The following MOB3B variants were observed in gnomAD, a reference collection of about 807,000 sequenced individuals.
MOB3B encodes MOB kinase activator-like 2B.
MOB3B carries 7 observed loss-of-function variants against 18.7 expected under a neutral mutation model. That is an observed-to-expected ratio of 0.37 (90% CI 0.21 to 0.70). The LOEUF (loss-of-function observed/expected upper bound fraction) is 0.70. MOB3B is among the 30% of genes least tolerant of loss of function. The probability of loss-of-function intolerance (pLI) is 0.52; values close to 1 mark genes in which losing one functional copy is unlikely to be tolerated. For synonymous variants in MOB3B, 111 were observed against 99.9 expected (o/e 1.11, Z -0.66); for missense variants, 253 against 281.3 (o/e 0.90, Z 0.72).
chr9:27,475,345 C>A (rs1445889134), intron 1 of MOB3B, among the ~76,000 whole-genome samples: 1 of 152,238 alleles, frequency 6.6e-6, no homozygotes, highest in Non-Finnish European at 1.5e-5. Flanking sequence ...CTGTACTCTG[C>A]CTGCTGACCC....
intron 2 of MOB3B, among the ~76,000 whole-genome samples, chr9:27,418,354 A>G (rs577846978): frequency 6.6e-6 from 1 of 152,156 alleles, no homozygotes; most frequent in South Asian, 2.1e-4. Context: ...CATCACCCTA[A>G]TACCAAAACC....
At chr9:27,452,996 G>C (rs1285518664) in intron 2 of MOB3B, among the ~76,000 whole-genome samples, 1 of 152,170 alleles carries the variant, frequency 6.6e-6, no homozygotes, top group Non-Finnish European at 1.5e-5. Flanking sequence ...AAAAGTGCAG[G>C]CTTTTAGGTC....
chr9:27,436,939 C>A (rs1434141417), intron 2 of MOB3B, among the ~76,000 whole-genome samples: 3 of 137,408 alleles, frequency 2.2e-5, no homozygotes. Flanking sequence ...TTTCCAGACA[C>A]AAGGAACAGA....
chr9:27,469,352 A>C (rs1026628766), intron 1 of MOB3B, among the ~76,000 whole-genome samples: 1 of 152,138 alleles, frequency 6.6e-6, no homozygotes, highest in African/African-American at 2.4e-5. Flanking sequence ...TTTGGTGTCC[A>C]TGCCCAAGCT....
At chr9:27,463,972 G>T (rs140876188) in intron 1 of MOB3B, among the ~76,000 whole-genome samples, 22 of 151,976 alleles carry the variant, frequency 1.4e-4, no homozygotes, top group Admixed American at 7.2e-4. Flanking sequence ...AAAGAAAAAA[G>T]AAAAAAATAA....
intron 2 of MOB3B, among the ~76,000 whole-genome samples, chr9:27,420,448 T>C (rs970929217): frequency 5.3e-4 from 79 of 149,698 alleles, no homozygotes; most frequent in African/African-American, 1.8e-3. Context: ...ACTATGATTA[T>C]ATATATATAT....
At chr9:27,490,899 GA>G (rs916261349) in intron 1 of MOB3B, among the ~76,000 whole-genome samples, 6 of 152,096 alleles carry the variant, frequency 3.9e-5, no homozygotes, top group Admixed American at 3.9e-4. Flanking sequence ...AAGCAAATTC[GA>G]AGGAGAAATG....
chr9:27,476,946 C>T (rs1169169346), intron 1 of MOB3B, among the ~76,000 whole-genome samples: 2 of 152,124 alleles, frequency 1.3e-5, no homozygotes, highest in Non-Finnish European at 2.9e-5. Context: ...GATCCAGGCT[C>T]TCTTGAAACA....
chr9:27,524,761 T>C (rs762130696), intron 1 of MOB3B: 3 of 1,613,384 alleles, frequency 1.9e-6, no homozygotes, highest in Non-Finnish European at 2.5e-6. Flanking sequence ...ATGAAAGAAA[T>C]GAAAGAGAAT....
intron 1 of MOB3B, among the ~76,000 whole-genome samples, chr9:27,459,133 T>C (rs763342993): frequency 6.6e-6 from 1 of 152,126 alleles, no homozygotes; most frequent in African/African-American, 2.4e-5. Flanking sequence ...AGATGCCATA[T>C]TGGCGCAGGT....
At chr9:27,366,177 G>A (rs1314088275) in intron 2 of MOB3B, among the ~76,000 whole-genome samples, 2 of 152,128 alleles carry the variant, frequency 1.3e-5, no homozygotes, top group African/African-American at 2.4e-5. Context: ...TCAGGAACCC[G>A]CATCTGACAG....
At chr9:27,464,719 C>T (rs1301522982) in intron 1 of MOB3B, among the ~76,000 whole-genome samples, 1 of 152,106 alleles carries the variant, frequency 6.6e-6, no homozygotes, top group East Asian at 1.9e-4. Flanking sequence ...CTTACAGTTC[C>T]ACATGGCTGG....
intron 3 of MOB3B, among the ~76,000 whole-genome samples, chr9:27,337,815 G>A (rs753989424): frequency 7.9e-5 from 12 of 152,224 alleles, no homozygotes; most frequent in African/African-American, 2.7e-4. Context: ...AAGGGCAGGT[G>A]TGCTTTCAGG....
intron 2 of MOB3B, among the ~76,000 whole-genome samples, chr9:27,417,989 G>A (rs1203200069): frequency 6.6e-6 from 1 of 150,520 alleles, no homozygotes; most frequent in Non-Finnish European, 1.5e-5. Flanking sequence ...CTACTTGGGA[G>A]GCTGAGGCAG....
At chr9:27,377,833 A>C (rs1368188318) in intron 2 of MOB3B, among the ~76,000 whole-genome samples, 1 of 152,232 alleles carries the variant, frequency 6.6e-6, no homozygotes, top group Non-Finnish European at 1.5e-5. Flanking sequence ...CCAGAGTAAC[A>C]CTGGCCAACT....
At position 27,455,593 on chromosome 9, in the gene MOB3B, G is replaced by C. The variant is rs774597896; in HGVS notation, c.-43C>G. On this transcript the variant is annotated 5_prime_UTR_variant, in exon 2 of 4. Coordinates refer to ENST00000262244, the MANE Select transcript of MOB3B (RefSeq NM_024761.5). Reference sequence around the variant, plus strand: ...CCTTTCTTTTGCAGGAAGCGAAAAGGCACCTGGAACTTTTCAGGGAGAGAT... The same window carrying C: ...CCTTTCTTTTGCAGGAAGCGAAAAGCCACCTGGAACTTTTCAGGGAGAGAT... 9.3e-6 allele frequency: 15 copies of C among 1,611,704 alleles called. No homozygotes were observed. Among genetic ancestry groups the C allele is most frequent in the Non-Finnish European group, 1.3e-5 (15 of 1,179,598 alleles).
chr9:27,497,389 T>C (rs1819918879), intron 1 of MOB3B, among the ~76,000 whole-genome samples: 2 of 152,246 alleles, frequency 1.3e-5, no homozygotes, highest in African/African-American at 2.4e-5. Context: ...GAATTCTATA[T>C]AGACATATGA....
intron 1 of MOB3B, among the ~76,000 whole-genome samples, chr9:27,468,013 T>G (rs916642943): frequency 6.6e-6 from 1 of 152,198 alleles, no homozygotes; most frequent in Non-Finnish European, 1.5e-5. Flanking sequence ...TTGTGCAGAG[T>G]GGCTTGGCTA....
intron 1 of MOB3B, among the ~76,000 whole-genome samples, chr9:27,463,418 C>G (rs1819324284): frequency 6.6e-6 from 1 of 152,058 alleles, no homozygotes; most frequent in East Asian, 1.9e-4. Flanking sequence ...CCTCTTTAGA[C>G]AGTTGGGTAG....
Sources: gnomAD v4.1 joint callset for allele counts (sites outside exome capture counted in the v4.1 genomes callset) on GRCh38, gnomAD v4.1.1 for gene constraint, MANE v1.5 for transcripts, NCBI Gene and HGNC (gene_info 2026-07-23, HGNC 2026-07-21) for gene names.